The following ZSWIM9 variants were observed in gnomAD, a reference collection of about 807,000 sequenced individuals.
The protein encoded by ZSWIM9 is zinc finger SWIM-type containing 9.
Under a neutral mutation model 25.0 loss-of-function variants are expected in ZSWIM9, and 11 were observed. The ratio of observed to expected loss-of-function variants is 0.44; its 90% confidence interval spans 0.28 to 0.73. ZSWIM9 has a LOEUF of 0.73. ZSWIM9 is among the 30% of genes least tolerant of loss of function. The pLI is 0.16. For synonymous variants in ZSWIM9, 562 were observed against 582.1 expected (o/e 0.97, Z 0.50); for missense variants, 1,070 against 1,296.5 (o/e 0.83, Z 2.68).
chr19:48,195,535 C>G lies in ZSWIM9; in HGVS notation c.1471C>G (p.Gln491Glu), dbSNP rs1024104135. The change falls in exon 4 of 4, where the codon CAG (glutamine) becomes GAG (glutamate). Residue 491 changes from glutamine (Q) to glutamate (E), a missense_variant. Physicochemically the swap from Gln to Glu is conservative, Grantham distance 29. Coordinates refer to ENST00000614654, the MANE Select transcript of ZSWIM9 (RefSeq NM_199341.4). The surrounding 1 kb of genome is among the most constrained non-coding windows in gnomAD (Gnocchi z 5.8). ...PKEGSIWRGA[Q>E]MEKEWARALE... ...AGAAGGAAGTATTTGGAGGGGAGCC[C>G]AGATGGAGAAGGAGTGGGCAAGGGC... The G allele has an allele frequency of 8.5e-6, 12 of 1,413,672 alleles. No homozygotes were observed. Among genetic ancestry groups the G allele is most frequent in the Middle Eastern group, 1.8e-4 (1 of 5,462 alleles). The allele number at this position is 1,413,672 out of a possible 1,614,324, so 87.6% of individuals were successfully genotyped here.
chr19:48,186,271 C>T (rs1330069576), intron 3 of ZSWIM9, among the ~76,000 whole-genome samples: 1 of 145,744 alleles, frequency 6.9e-6, no homozygotes, highest in Non-Finnish European at 1.5e-5. Flanking sequence ...GCAAGCAGGG[C>T]AGCCTAGTGT....
Position 48,195,696 on chromosome 19 carries a change from G to A in ZSWIM9, c.1632G>A (p.Ser544=), listed in dbSNP as rs1199408046. Residue 544 remains serine (S), a synonymous_variant, in exon 4 of 4, where the codon TCG becomes TCA. Transcript: ENST00000614654. This position sits in a 1 kb window ranked among gnomAD's most constrained non-coding sequence, Gnocchi z 5.8. ...TGGAAGGGGGTGTCTTGAGAGGGTCGAAGTTAGAGAAAGGGCACCTGAGAG... is the reference window on the plus strand; with the variant it reads ...TGGAAGGGGGTGTCTTGAGAGGGTCAAAGTTAGAGAAAGGGCACCTGAGAG... ...RGLEGGVLRG[S]KLEKGHLRGP... is the part of the protein sequence containing the mutation. 2 of 1,460,954 alleles carry A rather than the reference G, an allele frequency of 1.4e-6. No individual in the cohort carries two copies. The highest frequency in any genetic ancestry group is 1.4e-5 in the South Asian group (1 of 71,408). 90.5% of individuals were successfully genotyped at this position (1,460,954 alleles called of 1,614,324 possible). A position where few individuals can be genotyped will look rare whatever the true frequency, so the allele number is the denominator to read the frequency against.
At position 48,182,581 on chromosome 19, in the gene ZSWIM9, C is replaced by T. The variant is rs1423128194; in HGVS notation, c.402C>T (p.Tyr134=). ...CCTGCCCGCTGGAGTTCGCCTACTACTTCCGCCCGGGCCACCTGCTGGCCA... is the reference window on the plus strand; with the variant it reads ...CCTGCCCGCTGGAGTTCGCCTACTATTTCCGCCCGGGCCACCTGCTGGCCA... ...HPACPLEFAY[Y]FRPGHLLANA... is the part of the protein sequence containing the mutation. Residue 134 remains tyrosine, a synonymous_variant, in exon 3 of 4, where the codon TAC becomes TAT. Coordinates refer to ENST00000614654, the MANE Select transcript of ZSWIM9 (RefSeq NM_199341.4). The surrounding 1 kb of genome is among the most constrained non-coding windows in gnomAD (Gnocchi z 4.6). The T allele has an allele frequency of 6.5e-7, 1 of 1,535,938 alleles. No individual in the cohort carries two copies. Among genetic ancestry groups the T allele is most frequent in the Admixed American group, 2.0e-5 (1 of 50,998 alleles).
intron 2 of ZSWIM9, among the ~76,000 whole-genome samples, chr19:48,176,720 G>A (rs1355832839): frequency 6.6e-6 from 1 of 152,040 alleles, no homozygotes; most frequent in Non-Finnish European, 1.5e-5. Flanking sequence ...CAAGGTGGTG[G>A]TTTTAGATGC....
chr19:48,196,902 T>G lies in ZSWIM9; in HGVS notation c.*75T>G. ...TCTTCGATCCCAAAGATAATAGGGC[T>G]GAGGCCAAGGAGACCGTTGCAGTCC... On this transcript the variant is annotated 3_prime_UTR_variant, in exon 4 of 4. Coordinates refer to ENST00000614654, the MANE Select transcript of ZSWIM9 (RefSeq NM_199341.4). The G allele has an allele frequency of 8.0e-7, 1 of 1,248,076 alleles. No individual in the cohort carries two copies. The highest frequency in any genetic ancestry group is 1.0e-6 in the Non-Finnish European group (1 of 993,372). 77.3% of individuals were successfully genotyped at this position (1,248,076 alleles called of 1,614,324 possible). A position where few individuals can be genotyped will look rare whatever the true frequency, so the allele number is the denominator to read the frequency against.
At chr19:48,193,954 C>T (rs1165204439) in intron 3 of ZSWIM9, among the ~76,000 whole-genome samples, 5 of 152,192 alleles carry the variant, frequency 3.3e-5, no homozygotes, top group African/African-American at 1.2e-4. Flanking sequence ...CTTTTCACCA[C>T]TGTCCTGCCT....
chr19:48,182,539 G>A lies in ZSWIM9; in HGVS notation c.360G>A (p.Leu120=). Residue 120 remains leucine (L), a synonymous_variant, in exon 3 of 4, where the codon CTG becomes CTA. Coordinates refer to ENST00000614654, the MANE Select transcript of ZSWIM9 (RefSeq NM_199341.4). This position sits in a 1 kb window ranked among gnomAD's most constrained non-coding sequence, Gnocchi z 4.6. ...RDRLVVTECQ[L]THSHPACPLE... ...GCCTCGTGGTGACGGAGTGCCAGCTGACCCACTCACACCCGGCCTGCCCGC... is the reference window on the plus strand; with the variant it reads ...GCCTCGTGGTGACGGAGTGCCAGCTAACCCACTCACACCCGGCCTGCCCGC... The A allele has an allele frequency of 1.3e-6, 2 of 1,535,904 alleles. No homozygotes were observed. The highest frequency in any genetic ancestry group is 2.7e-5 in the African/African-American group (2 of 73,146).
At chr19:48,177,297 GA>G (rs1293564247) in intron 2 of ZSWIM9, among the ~76,000 whole-genome samples, 3 of 152,158 alleles carry the variant, frequency 2.0e-5, no homozygotes, top group African/African-American at 7.2e-5. Context: ...AGGACGTGGT[GA>G]TGGATGGTTT....
At position 48,171,996 on chromosome 19, in the gene ZSWIM9, A is replaced by G; in HGVS notation, c.194A>G (p.Tyr65Cys). Residue 65 changes from tyrosine (Y) to cysteine (C), a missense_variant, in exon 2 of 4, where the codon TAC (tyrosine) becomes TGC (cysteine). By Grantham distance (194) the Tyr-to-Cys change is radical (BLOSUM62 -2). This residue lies in a region of ZSWIM9 where 265 missense variants were observed against 339.0 expected (regional missense o/e 0.78). Coordinates refer to ENST00000614654, the MANE Select transcript of ZSWIM9 (RefSeq NM_199341.4). ...RCRWASAPPLYTLIDVLKYSY... is the reference protein window; with the variant it reads ...RCRWASAPPLCTLIDVLKYSY... ...CGCTGGGCCAGTGCGCCCCCGCTCT[A>G]CACGCTCATCGACGTGCTCAAGTAC... 2.0e-6 allele frequency: 3 copies of G among 1,535,686 alleles called. No individual in the cohort carries two copies. The highest frequency in any genetic ancestry group is 2.6e-6 in the Non-Finnish European group (3 of 1,146,618).
intron 3 of ZSWIM9, among the ~76,000 whole-genome samples, chr19:48,184,147 A>G (rs1180344401): frequency 2.6e-5 from 4 of 151,872 alleles, no homozygotes; most frequent in Non-Finnish European, 4.4e-5. Flanking sequence ...CGGGGCCTGG[A>G]GCGGGACAGT....
At chr19:48,181,541 C>T (rs142800166) in intron 2 of ZSWIM9, 165 of 152,324 alleles carry the variant, frequency 1.1e-3, no homozygotes, top group African/African-American at 3.8e-3. Context: ...TTGGCGAATA[C>T]ACATAGTGCT....
Position 48,197,101 on chromosome 19 carries a change from T to C in ZSWIM9, c.*274T>C. The C allele has an allele frequency of 1.6e-6, 1 of 616,658 alleles. No homozygotes were observed. The highest frequency in any genetic ancestry group is 1.9e-5 in the South Asian group (1 of 53,434). The allele number at this position is 616,658 out of a possible 1,614,324, so 38.2% of individuals were successfully genotyped here. On this transcript the variant is annotated 3_prime_UTR_variant, in exon 4 of 4. Transcript: ENST00000614654. ...TGGAGAGGAAGCATGTGATGAGAGG[T>C]GTAGACAGGGTCAGGCTGGGACAGA...
intron 3 of ZSWIM9, chr19:48,189,592 GAAC>G (rs2037070934): frequency 6.5e-6 from 1 of 153,614 alleles, no homozygotes; most frequent in African/African-American, 2.4e-5. Flanking sequence ...AAAAGAATAA[GAAC>G]AAGTCTAGGA....
At chr19:48,190,690 G>A (rs953642333) in intron 3 of ZSWIM9, 3 of 153,878 alleles carry the variant, frequency 1.9e-5, no homozygotes, top group African/African-American at 7.2e-5. Flanking sequence ...ATAACCACAG[G>A]GTACTGTTTC....
Position 48,182,546 on chromosome 19 carries a change from T to C in ZSWIM9, c.367T>C (p.Ser123Pro). Residue 123 changes from serine (S) to proline (P), a missense_variant, in exon 3 of 4, where the codon TCA becomes CCA. Physicochemically the swap from Ser to Pro is moderately conservative, Grantham distance 74. Around this residue, in one of 4 missense-constraint regions of ZSWIM9, gnomAD observed 265 missense variants for 339.0 expected, o/e 0.78. Transcript: ENST00000614654. The surrounding 1 kb of genome is among the most constrained non-coding windows in gnomAD (Gnocchi z 4.6). ...GGTGACGGAGTGCCAGCTGACCCAC[T>C]CACACCCGGCCTGCCCGCTGGAGTT... ...LVVTECQLTH[S>P]HPACPLEFAY... is the part of the protein sequence containing the mutation. 2.6e-6 allele frequency: 4 copies of C among 1,535,768 alleles called. No homozygotes were observed. The highest frequency in any genetic ancestry group is 3.5e-6 in the Non-Finnish European group (4 of 1,146,744).
intron 3 of ZSWIM9, among the ~76,000 whole-genome samples, chr19:48,186,239 G>A (rs1555787126): frequency 6.7e-6 from 1 of 149,538 alleles, no homozygotes; most frequent in Non-Finnish European, 1.5e-5. Flanking sequence ...TCCTCTTTCT[G>A]CCCCGCCACC....
At chr19:48,187,471 T>G (rs2037031962) in intron 3 of ZSWIM9, among the ~76,000 whole-genome samples, 2 of 85,020 alleles carry the variant, frequency 2.4e-5, no homozygotes, top group African/African-American at 5.4e-5. Flanking sequence ...TTATATATAT[T>G]ATATATATTA....
At chr19:48,184,011 T>G (rs2123278461) in intron 3 of ZSWIM9, among the ~76,000 whole-genome samples, 1 of 151,920 alleles carries the variant, frequency 6.6e-6, no homozygotes, top group South Asian at 2.1e-4. Context: ...AAATACTTAG[T>G]TTGATGAATG....
At chr19:48,171,659 A>G in intron 1 of ZSWIM9, 135 bp from the exon 2 acceptor site, 1 of 837,080 alleles carries the variant, frequency 1.2e-6, no homozygotes, top group Non-Finnish European at 1.8e-6. Flanking sequence ...GGAGAAAAAC[A>G]GGCACGTCCG....
Sources: gnomAD v4.1 joint callset for allele counts (sites outside exome capture counted in the v4.1 genomes callset) on GRCh38, gnomAD v4.1.1 for gene constraint, gnomAD v4.1.1 regional missense constraint, Gnocchi (gnomAD v3.1) non-coding constraint, MANE v1.5 for transcripts, NCBI Gene and HGNC (gene_info 2026-07-23, HGNC 2026-07-21) for gene names.